The following CCDC171 variants were observed in gnomAD, a reference collection of about 807,000 sequenced individuals.
The protein encoded by CCDC171 is coiled-coil domain containing 171, also known as coiled-coil domain-containing protein 171.
A neutral mutation model predicts 168.2 loss-of-function variants in CCDC171; 177 were observed. The ratio of observed to expected loss-of-function variants is 1.05; its 90% CI spans 0.93 to 1.19. CCDC171 has a LOEUF of 1.19. Among genes scored for constraint, CCDC171 ranks in the 50% most tolerant of loss-of-function variants. The pLI, the probability that CCDC171 is intolerant of heterozygous loss-of-function variation, is 0.00. For synonymous variants in CCDC171, 687 were observed against 540.8 expected (o/e 1.27, Z -3.75); for missense variants, 1,991 against 1,539.0 (o/e 1.29, Z -4.91).
intron 4 of CCDC171, among the ~76,000 whole-genome samples, chr9:15,583,158 T>TGG (rs770131040): frequency 6.6e-6 from 1 of 152,132 alleles, no homozygotes; most frequent in Non-Finnish European, 1.5e-5. Flanking sequence ...GGCTCACGCC[T>TGG]GTAATCCCAG....
intron 11 of CCDC171, among the ~76,000 whole-genome samples, chr9:15,706,785 G>C (rs2052274809): frequency 6.6e-6 from 1 of 152,062 alleles, no homozygotes; most frequent in Non-Finnish European, 1.5e-5. Flanking sequence ...CTTTCCTTGA[G>C]GAAATAATTT....
chr9:15,639,277 A>G (rs1367578236), intron 7 of CCDC171, among the ~76,000 whole-genome samples: 1 of 152,104 alleles, frequency 6.6e-6, no homozygotes, highest in Non-Finnish European at 1.5e-5. Context: ...CACCTGTGTT[A>G]TACAGTCATA....
At chr9:15,778,643 C>CAAAAAAAAAAA (rs527592822) in intron 19 of CCDC171, among the ~76,000 whole-genome samples, 31 of 58,782 alleles carry the variant, frequency 5.3e-4, no homozygotes, top group Admixed American at 9.4e-4. Context: ...AAGACTGTCT[C>CAAAAAAAAAAA]AAAAAAAAAA....
intron 1 of CCDC171, among the ~76,000 whole-genome samples, chr9:15,561,575 T>C (rs913219969): frequency 2.0e-5 from 3 of 152,156 alleles, no homozygotes; most frequent in Non-Finnish European, 4.4e-5. Context: ...TTCATTACTA[T>C]CCTGTAACTC....
intron 6 of CCDC171, among the ~76,000 whole-genome samples, chr9:15,612,693 C>A (rs141938071): frequency 8.5e-5 from 13 of 152,182 alleles, no homozygotes; most frequent in Admixed American, 2.0e-4. Flanking sequence ...TTCATTTCTA[C>A]CTTTGTTATT....
chr9:15,909,074 C>T (rs1030062140), intron 24 of CCDC171, among the ~76,000 whole-genome samples: 1 of 152,138 alleles, frequency 6.6e-6, no homozygotes, highest in Non-Finnish European at 1.5e-5. Context: ...GAGTATATCA[C>T]AGAGTTATAT....
chr9:16,046,054 C>T (rs1030608495), intron 1 of CCDC171, among the ~76,000 whole-genome samples: 1 of 152,148 alleles, frequency 6.6e-6, no homozygotes, highest in Admixed American at 6.5e-5. Context: ...ATTTTACACA[C>T]TGGTTAGGTC....
downstream of CCDC171, among the ~76,000 whole-genome samples, chr9:15,974,880 G>C (rs72710707): frequency 3.3e-5 from 5 of 152,172 alleles, no homozygotes; most frequent in Non-Finnish European, 1.5e-5. Flanking sequence ...CCAGTTGTCT[G>C]AATTCATTCT....
intron 18 of CCDC171, among the ~76,000 whole-genome samples, chr9:15,757,078 G>T (rs2134996522): frequency 6.6e-6 from 1 of 152,312 alleles, no homozygotes; most frequent in South Asian, 2.1e-4. Flanking sequence ...GGGCGTTGCT[G>T]AAAAGATACC....
intron 5 of CCDC171, 38 bp from the exon 6 acceptor site, chr9:15,594,003 T>C: frequency 6.9e-7 from 1 of 1,440,116 alleles, no homozygotes; most frequent in Non-Finnish European, 9.5e-7. Context: ...ATAACTTTTA[T>C]TGATCTAACA....
intron 19 of CCDC171, among the ~76,000 whole-genome samples, chr9:15,778,116 T>C (rs565181673): frequency 6.9e-6 from 1 of 145,734 alleles, no homozygotes; most frequent in South Asian, 2.2e-4. Context: ...GCTAACAAGG[T>C]GAAACCCCGT....
At chr9:16,055,181 C>G (rs1226370985) in intron 1 of CCDC171, among the ~76,000 whole-genome samples, 1 of 152,166 alleles carries the variant, frequency 6.6e-6, no homozygotes. Flanking sequence ...GATGGGGGAA[C>G]TGTAGTAGGG....
intron 6 of CCDC171, among the ~76,000 whole-genome samples, chr9:15,603,611 T>A (rs959702262): frequency 6.6e-6 from 1 of 152,204 alleles, no homozygotes; most frequent in Admixed American, 6.5e-5. Context: ...CATAGTATTC[T>A]ATGGTGTATA....
At chr9:15,624,295 T>C (rs1004341246) in intron 7 of CCDC171, among the ~76,000 whole-genome samples, 1 of 152,202 alleles carries the variant, frequency 6.6e-6, no homozygotes, top group South Asian at 2.1e-4. Context: ...GAGAATAATA[T>C]ATGACAATTT....
At chr9:15,655,741 G>T (rs545935995) in intron 7 of CCDC171, among the ~76,000 whole-genome samples, 1 of 152,154 alleles carries the variant, frequency 6.6e-6, no homozygotes. Context: ...TTAAAAAATG[G>T]TGAAAATATT....
chr9:15,673,662 A>G (rs1396176822), intron 9 of CCDC171, among the ~76,000 whole-genome samples: 4 of 152,142 alleles, frequency 2.6e-5, no homozygotes, highest in South Asian at 4.1e-4. Context: ...ATTCATTTGC[A>G]TATATTGAAC....
intron 6 of CCDC171, among the ~76,000 whole-genome samples, chr9:16,023,683 A>G (rs1378119885): frequency 2.6e-5 from 4 of 152,188 alleles, no homozygotes. Context: ...TTCATTGGGC[A>G]TTACTAATTG....
chr9:15,628,776 C>T (rs1352465556), intron 7 of CCDC171, among the ~76,000 whole-genome samples: 1 of 152,078 alleles, frequency 6.6e-6, no homozygotes, highest in East Asian at 1.9e-4. Context: ...CTGGGAGGCA[C>T]CCCCCAGTAG....
intron 6 of CCDC171, among the ~76,000 whole-genome samples, chr9:15,599,957 G>A (rs1012047041): frequency 5.9e-5 from 9 of 151,846 alleles, no homozygotes; most frequent in Non-Finnish European, 1.3e-4. Context: ...TGAAGCTTGT[G>A]CATTCGTCAC....
Sources: allele counts gnomAD v4.1 joint callset (sites outside exome capture counted in the v4.1 genomes callset), GRCh38; gene constraint gnomAD v4.1.1; transcripts MANE v1.5; gene names NCBI Gene and HGNC (gene_info 2026-07-23, HGNC 2026-07-21).